The following CELF2 variants were observed in gnomAD, a reference collection of about 807,000 sequenced individuals.
The protein encoded by CELF2 is CUG triplet repeat RNA-binding protein 2.
A neutral mutation model predicts 62.6 loss-of-function variants in CELF2; 8 were observed. That is an observed-to-expected ratio of 0.13 (90% CI 0.07 to 0.23). The LOEUF (loss-of-function observed/expected upper bound fraction) is 0.23. Among genes scored for constraint, CELF2 ranks in the 10% least tolerant of loss-of-function variants. The pLI, the probability that CELF2 is intolerant of heterozygous loss-of-function variation, is 1.00. For missense variants in CELF2, 333 were observed against 671.0 expected (o/e 0.50, Z 5.56); for synonymous variants, 258 against 250.0 (o/e 1.03, Z -0.30).
intron 7 of CELF2, among the ~76,000 whole-genome samples, chr10:11,274,461 T>C (rs1323266936): frequency 6.6e-6 from 1 of 152,276 alleles, no homozygotes; most frequent in Non-Finnish European, 1.5e-5. Context: ...TCGATGTACA[T>C]AGCACCAGAT....
At chr10:10,587,816 G>T in the CELF2 span, among the ~76,000 whole-genome samples, 3 of 152,072 alleles carry the variant, frequency 2.0e-5, no homozygotes, top group Admixed American at 6.6e-5. Flanking sequence ...AATTCAAGAG[G>T]AGAAATGAGG....
At position 11,280,644 on chromosome 10, in the gene CELF2, G is replaced by C. The variant is rs2088109696; in HGVS notation, c.841+5524G>C. Among the ~76,000 whole-genome samples, 1 of 152,218 alleles carries C rather than the reference G, an allele frequency of 6.6e-6. No homozygotes were observed. The highest frequency in any genetic ancestry group is 2.1e-4 in the South Asian group (1 of 4,834). On this transcript the variant is annotated intron_variant, in intron 8 of 12. Coordinates refer to ENST00000633077, the MANE Select transcript of CELF2 (RefSeq NM_001326342.2). This position sits in a 1 kb window ranked among gnomAD's most constrained non-coding sequence, Gnocchi z 7.6. ...CTGTGGTGTGACAGAGCATGAGATG[G>C]TCAGTAGCACCTAGAAGATCGGTAG...
the CELF2 span, among the ~76,000 whole-genome samples, chr10:10,717,378 T>G: frequency 6.9e-6 from 1 of 145,946 alleles, no homozygotes; most frequent in African/African-American, 2.5e-5. Context: ...TGAAACTTAT[T>G]AAAAAAAAAA....
chr10:11,225,463 G>A (rs2066201960), intron 3 of CELF2, among the ~76,000 whole-genome samples: 2 of 152,116 alleles, frequency 1.3e-5, no homozygotes, highest in Non-Finnish European at 2.9e-5. Flanking sequence ...CCTATTTAAC[G>A]AAAATCTCTA....
intron 1 of CELF2, among the ~76,000 whole-genome samples, chr10:10,849,649 C>G (rs1173715058): frequency 1.3e-5 from 2 of 152,048 alleles, no homozygotes; most frequent in Non-Finnish European, 2.9e-5. Flanking sequence ...GTACAATTAT[C>G]AAAATCAGGA....
intron 2 of CELF2, among the ~76,000 whole-genome samples, chr10:10,949,080 C>A (rs2048016845): frequency 6.6e-6 from 1 of 152,054 alleles, no homozygotes; most frequent in African/African-American, 2.4e-5. Flanking sequence ...GGTGAGGGGA[C>A]CATCTCTGAG....
chr10:10,729,149 G>C, the CELF2 span, among the ~76,000 whole-genome samples: 1 of 152,218 alleles, frequency 6.6e-6, no homozygotes. Context: ...AAATTATGCA[G>C]ACAAACTGAG....
chr10:10,958,651 C>T (rs1301259451), intron 2 of CELF2, among the ~76,000 whole-genome samples: 4 of 151,840 alleles, frequency 2.6e-5, no homozygotes, highest in Non-Finnish European at 4.4e-5. Flanking sequence ...CAAGACCAGC[C>T]TGGGCAACAG....
the CELF2 span, among the ~76,000 whole-genome samples, chr10:10,463,853 T>C: frequency 6.6e-6 from 1 of 151,984 alleles, no homozygotes; most frequent in Non-Finnish European, 1.5e-5. Flanking sequence ...GTAGTTTTTA[T>C]TTTTTTATTT....
intron 2 of CELF2, among the ~76,000 whole-genome samples, chr10:11,204,930 G>A (rs1233569965): frequency 6.6e-6 from 1 of 152,168 alleles, no homozygotes; most frequent in Non-Finnish European, 1.5e-5. Flanking sequence ...TGAAACCTGG[G>A]TGTGCTCCTT....
intron 2 of CELF2, among the ~76,000 whole-genome samples, chr10:10,975,955 A>T (rs938861327): frequency 6.6e-6 from 1 of 152,226 alleles, no homozygotes. Context: ...GGGGTGGGTC[A>T]ATGGAAATTG....
At chr10:11,026,537 A>T (rs993929253) in intron 1 of CELF2, among the ~76,000 whole-genome samples, 7 of 152,192 alleles carry the variant, frequency 4.6e-5, no homozygotes, top group Non-Finnish European at 8.8e-5. Flanking sequence ...CATTTGTTAG[A>T]GGACTAATGT....
chr10:11,146,309 G>C (rs2062264062), intron 1 of CELF2, among the ~76,000 whole-genome samples: 1 of 152,236 alleles, frequency 6.6e-6, no homozygotes, highest in African/African-American at 2.4e-5. Context: ...AGGACCCAAA[G>C]TGTAATTAAT....
intron 2 of CELF2, among the ~76,000 whole-genome samples, chr10:10,952,892 G>A (rs541418130): frequency 3.9e-5 from 6 of 152,124 alleles, no homozygotes; most frequent in South Asian, 2.1e-4. Flanking sequence ...CATTCCTCCC[G>A]TAATCAGGCA....
chr10:11,116,294 T>A (rs2056545926), intron 1 of CELF2, among the ~76,000 whole-genome samples: 1 of 152,232 alleles, frequency 6.6e-6, no homozygotes, highest in Non-Finnish European at 1.5e-5. Flanking sequence ...TTAGACTTAA[T>A]TTTTAAAACC....
At chr10:10,519,517 A>T in the CELF2 span, among the ~76,000 whole-genome samples, 375 of 152,298 alleles carry the variant, frequency 2.5e-3, no homozygotes, top group Non-Finnish European at 3.5e-3. Flanking sequence ...GTGATAGAAA[A>T]AGAAAAGAAA....
intron 2 of CELF2, among the ~76,000 whole-genome samples, chr10:10,991,596 A>G (rs2053449319): frequency 6.6e-6 from 1 of 152,174 alleles, no homozygotes; most frequent in African/African-American, 2.4e-5. Context: ...AAAATAGGAA[A>G]GTTTTACTTC....
intron 11 of CELF2, among the ~76,000 whole-genome samples, chr10:11,323,172 C>T (rs2095534254): frequency 6.6e-6 from 1 of 151,984 alleles, no homozygotes; most frequent in Non-Finnish European, 1.5e-5. Flanking sequence ...GCAGTAATTC[C>T]CCTTCTGAGA....
the CELF2 span, among the ~76,000 whole-genome samples, chr10:10,493,363 C>T: frequency 3.3e-5 from 5 of 151,866 alleles, no homozygotes; most frequent in Admixed American, 2.0e-4. Context: ...ATGGTGGAGA[C>T]GGTTCCACAA....
Sources: allele counts gnomAD v4.1 joint callset (sites outside exome capture counted in the v4.1 genomes callset), GRCh38; gene constraint gnomAD v4.1.1; non-coding constraint Gnocchi (gnomAD v3.1); transcripts MANE v1.5; gene names NCBI Gene and HGNC (gene_info 2026-07-23, HGNC 2026-07-21).